The following MALRD1 variants were observed in gnomAD, a reference collection of about 807,000 sequenced individuals.
The protein encoded by MALRD1 is MAM and LDL-receptor class A domain-containing protein 1.
A neutral mutation model predicts 242.1 loss-of-function variants in MALRD1; 247 were observed. The ratio of observed to expected loss-of-function variants is 1.02; its 90% CI spans 0.92 to 1.13. The LOEUF (loss-of-function observed/expected upper bound fraction) is 1.13. Among genes scored for constraint, MALRD1 ranks in the 50% most tolerant of loss-of-function variants. The pLI, the probability that MALRD1 is intolerant of heterozygous loss-of-function variation, is 0.00. For synonymous variants in MALRD1, 995 were observed against 866.6 expected, an observed-to-expected ratio of 1.15 and a Z score of -2.60; for missense variants, 2,989 against 2,533.1, an observed-to-expected ratio of 1.18 and a Z score of -3.86.
At chr10:19,445,356 T>C (rs1834911430) in intron 28 of MALRD1, among the ~76,000 whole-genome samples, 2 of 152,216 alleles carry the variant, frequency 1.3e-5, no homozygotes. Flanking sequence ...CGTTGCTGAC[T>C]AGGAGCTGCG....
chr10:19,257,426 A>G (rs1446511497), intron 18 of MALRD1, among the ~76,000 whole-genome samples: 1 of 152,056 alleles, frequency 6.6e-6, no homozygotes, highest in Non-Finnish European at 1.5e-5. Context: ...AATATACTGA[A>G]ATTTCAAAAA....
intron 28 of MALRD1, among the ~76,000 whole-genome samples, chr10:19,426,713 G>A (rs1833916399): frequency 6.6e-6 from 1 of 152,146 alleles, no homozygotes; most frequent in Non-Finnish European, 1.5e-5. Flanking sequence ...TGAGGCAAGA[G>A]AATCACTTGA....
chr10:19,584,775 A>G (rs1212587283), intron 33 of MALRD1, among the ~76,000 whole-genome samples: 4 of 151,986 alleles, frequency 2.6e-5, no homozygotes, highest in Admixed American at 6.6e-5. Context: ...ATTCCTGGGT[A>G]TTGTTGTTGA....
chr10:19,267,625 T>C (rs1230954045), intron 19 of MALRD1, among the ~76,000 whole-genome samples: 1 of 152,166 alleles, frequency 6.6e-6, no homozygotes, highest in Non-Finnish European at 1.5e-5. Flanking sequence ...TTTTAAGATA[T>C]CACCTGCAGC....
At chr10:19,112,814 C>T (rs1836726131) in intron 5 of MALRD1, among the ~76,000 whole-genome samples, 1 of 152,178 alleles carries the variant, frequency 6.6e-6, no homozygotes, top group Non-Finnish European at 1.5e-5. Flanking sequence ...GCTACAGAAA[C>T]TGAAAATCAA....
chr10:19,157,763 A>T lies in MALRD1; in HGVS notation c.1656+2591A>T, dbSNP rs543176907. On this transcript the variant is annotated intron_variant, in intron 12 of 39. Coordinates refer to ENST00000454679, the MANE Select transcript of MALRD1 (RefSeq NM_001142308.3). ...ATTAAAGCCTTCATTTTCTGAAATT[A>T]TATGGTTTTTTTTTCCTACATAATC... is the stretch of plus-strand genomic sequence containing the variant. Among the ~76,000 whole-genome samples, 93 of 152,230 alleles carry T rather than the reference A, an allele frequency of 6.1e-4. 2 individuals carry two copies. The highest frequency in any genetic ancestry group is 2.1e-3 in the African/African-American group (89 of 41,534).
At chr10:19,659,272 T>G (rs918201097) in intron 36 of MALRD1, among the ~76,000 whole-genome samples, 2 of 152,186 alleles carry the variant, frequency 1.3e-5, no homozygotes, top group African/African-American at 4.8e-5. Context: ...GTGTGTAATA[T>G]GTACAGTTCT....
intron 19 of MALRD1, among the ~76,000 whole-genome samples, chr10:19,278,413 T>C (rs191145105): frequency 5.3e-5 from 8 of 152,256 alleles, no homozygotes; most frequent in Admixed American, 2.0e-4. Flanking sequence ...GTTATTTTAT[T>C]CATTCATCCA....
intron 2 of MALRD1, among the ~76,000 whole-genome samples, chr10:19,072,037 G>A (rs576186998): frequency 8.5e-5 from 13 of 152,188 alleles, no homozygotes; most frequent in Admixed American, 3.3e-4. Flanking sequence ...CCGTATACAC[G>A]TACTTATGAT....
At chr10:19,307,360 C>T (rs1243992803) in intron 21 of MALRD1, among the ~76,000 whole-genome samples, 5 of 151,432 alleles carry the variant, frequency 3.3e-5, no homozygotes, top group South Asian at 2.1e-4. Flanking sequence ...TGCTGGGACC[C>T]GATTTCTATG....
chr10:19,085,132 T>A (rs1446442243), intron 2 of MALRD1, among the ~76,000 whole-genome samples: 1 of 151,990 alleles, frequency 6.6e-6, no homozygotes, highest in Admixed American at 6.6e-5. Flanking sequence ...ACTTTGTTGT[T>A]CAAGAGCTTC....
At position 19,708,633 on chromosome 10, in the gene MALRD1, G is replaced by T. The variant is rs1833973705; in HGVS notation, c.6314+16079G>T. Among the ~76,000 whole-genome samples the T allele has an allele frequency of 1.8e-5, 2 of 114,250 alleles. 1 individual carries two copies. Among genetic ancestry groups the T allele is most frequent in the South Asian group, 7.1e-4 (2 of 2,800 alleles). The allele number at this position is 114,250 out of a possible 152,430, so 75.0% of individuals were successfully genotyped here. A position where few individuals can be genotyped will look rare whatever the true frequency, so the allele number is the denominator to read the frequency against. On this transcript the variant is annotated intron_variant, in intron 38 of 39. Transcript: ENST00000454679. Reference sequence around the variant, plus strand: ...AGTACTGGAATCATGTGCCTGAGCCGCCGTGCCTGGCCACATTTATTTTTT... The same window carrying T: ...AGTACTGGAATCATGTGCCTGAGCCTCCGTGCCTGGCCACATTTATTTTTT...
chr10:19,272,936 G>A (rs1840328643), intron 19 of MALRD1, among the ~76,000 whole-genome samples: 1 of 152,124 alleles, frequency 6.6e-6, no homozygotes. Flanking sequence ...TATCATTGAT[G>A]GACATTTGGG....
intron 26 of MALRD1, among the ~76,000 whole-genome samples, chr10:19,385,925 C>T (rs1028920853): frequency 2.0e-5 from 3 of 152,028 alleles, no homozygotes; most frequent in African/African-American, 7.2e-5. Context: ...GTTGTGTTTT[C>T]ATTTCATAAA....
chr10:19,579,422 A>G (rs1246548320), intron 33 of MALRD1, among the ~76,000 whole-genome samples: 2 of 152,098 alleles, frequency 1.3e-5, no homozygotes, highest in South Asian at 2.1e-4. Context: ...TTTATTGTAT[A>G]TATTTACGGT....
chr10:19,672,390 T>C (rs1425121472), intron 36 of MALRD1, among the ~76,000 whole-genome samples: 1 of 151,582 alleles, frequency 6.6e-6, no homozygotes, highest in African/African-American at 2.4e-5. Context: ...TATATTTGAT[T>C]GATGCAACAG....
intron 18 of MALRD1, among the ~76,000 whole-genome samples, chr10:19,257,058 G>T (rs1283947464): frequency 6.6e-6 from 1 of 152,078 alleles, no homozygotes; most frequent in Non-Finnish European, 1.5e-5. Context: ...GTCTATATGT[G>T]GTATTTCATA....
intron 28 of MALRD1, among the ~76,000 whole-genome samples, chr10:19,414,096 G>A (rs966061058): frequency 1.3e-5 from 2 of 150,812 alleles, no homozygotes; most frequent in East Asian, 1.9e-4. Flanking sequence ...TCATTTAGTA[G>A]TTTTATCAGT....
At chr10:19,184,377 A>G (rs11814631) in intron 14 of MALRD1, among the ~76,000 whole-genome samples, 11,196 of 152,094 alleles carry the variant, frequency 0.074, 510 homozygotes, top group African/African-American at 0.12. Context: ...TGAAAAGTCC[A>G]TTTCTCCTGG....
Sources: allele counts gnomAD v4.1 joint callset (sites outside exome capture counted in the v4.1 genomes callset), GRCh38; gene constraint gnomAD v4.1.1; transcripts MANE v1.5; gene names NCBI Gene and HGNC (gene_info 2026-07-23, HGNC 2026-07-21).